The following CORIN variants were observed in gnomAD, a reference collection of about 807,000 sequenced individuals.
CORIN encodes atrial natriuretic peptide-converting enzyme.
CORIN carries 117 observed loss-of-function variants against 125.3 expected under a neutral mutation model. The ratio of observed to expected loss-of-function variants is 0.93; its 90% CI spans 0.80 to 1.09. The LOEUF (loss-of-function observed/expected upper bound fraction) is 1.09. CORIN is among the 50% of genes least tolerant of loss of function. CORIN has a pLI of 0.00. For missense variants in CORIN, 1,253 were observed against 1,306.7 expected, an observed-to-expected ratio of 0.96 and a Z score of 0.63; for synonymous variants, 450 against 466.4, an observed-to-expected ratio of 0.96 and a Z score of 0.45.
At position 47,721,015 on chromosome 4, in the gene CORIN, C is replaced by T. The variant is rs941913836; in HGVS notation, c.799+23387G>A. Among the ~76,000 whole-genome samples the T allele has an allele frequency of 6.6e-5, 10 of 152,290 alleles. No individual in the cohort carries two copies. In the South Asian group the frequency reaches 1.0e-3, roughly 16 times the overall value. ...AGTCCATTCAGGCTGCTAAAACAGA[C>T]TACCACAGATGGGGTGGCTTAAACA... On this transcript the variant is annotated intron_variant, in intron 5 of 21. Transcript: ENST00000273857.
At chr4:47,779,187 T>C (rs145771514) in intron 3 of CORIN, among the ~76,000 whole-genome samples, 2 of 152,308 alleles carry the variant, frequency 1.3e-5, no homozygotes, top group East Asian at 3.9e-4. Flanking sequence ...TGGTTATAGG[T>C]CGAGCACAGA....
In CORIN at chr4:47,636,771, CT is replaced by C. The variant is rs1208052675; in HGVS notation, c.2198+5148del. On this transcript the variant is annotated intron_variant, in intron 16 of 21. Coordinates refer to ENST00000273857, the MANE Select transcript of CORIN (RefSeq NM_006587.4). ...ATGGAACTGTAAGTCCATTAAACCT[CT>C]TTTTTTCTTCCCAGACTCAGGAATG... 3.9e-5 allele frequency among the ~76,000 whole-genome samples: 6 copies of C among 152,280 alleles called. No individual in the cohort carries two copies. The South Asian group carries it at 1.2e-3, about 32-fold the overall frequency.
intron 9 of CORIN, among the ~76,000 whole-genome samples, chr4:47,676,167 A>G (rs1725008584): frequency 6.6e-6 from 1 of 152,164 alleles, no homozygotes; most frequent in African/African-American, 2.4e-5. Context: ...TTCCCTTTCC[A>G]GCTCTGTCTA....
intron 16 of CORIN, among the ~76,000 whole-genome samples, chr4:47,637,890 TCCACTGATAGCTTGCA>T (rs1346269961): frequency 6.6e-6 from 1 of 152,088 alleles, no homozygotes; most frequent in African/African-American, 2.4e-5. Flanking sequence ...GAATGGTAGA[TCCACTGATAGCTTGCA>T]CCATATGCCT....
At chr4:47,653,111 G>C (rs751986691) in intron 13 of CORIN, among the ~76,000 whole-genome samples, 2 of 152,106 alleles carry the variant, frequency 1.3e-5, no homozygotes, top group Non-Finnish European at 2.9e-5. Context: ...GAGAGAAACC[G>C]CATTCTCATT....
At chr4:47,615,800 T>C (rs1722049180) in intron 19 of CORIN, among the ~76,000 whole-genome samples, 1 of 152,010 alleles carries the variant, frequency 6.6e-6, no homozygotes, top group South Asian at 2.1e-4. Flanking sequence ...TTGTGATACT[T>C]TGTTATGGCA....
intron 13 of CORIN, chr4:47,652,651 T>C (rs2109641225): frequency 6.6e-6 from 1 of 152,330 alleles, no homozygotes; most frequent in Non-Finnish European, 1.5e-5. Flanking sequence ...TCCACTCAAA[T>C]TACCATTGGC....
intron 19 of CORIN, 30 bp downstream of exon 19, chr4:47,623,541 G>A (rs1162525239): frequency 2.3e-5 from 37 of 1,606,012 alleles, no homozygotes; most frequent in Non-Finnish European, 3.1e-5. Flanking sequence ...TCAAATCCAG[G>A]CAAAGGAAAA....
At chr4:47,717,592 C>CCTAAT (rs1727153020) in intron 5 of CORIN, among the ~76,000 whole-genome samples, 3 of 152,196 alleles carry the variant, frequency 2.0e-5, no homozygotes, top group Middle Eastern at 3.2e-3. Context: ...AAATATCCAA[C>CCTAAT]TGCTTTTGTT....
At chr4:47,693,533 CAG>C (rs1197932390) in intron 5 of CORIN, among the ~76,000 whole-genome samples, 1 of 152,070 alleles carries the variant, frequency 6.6e-6, no homozygotes, top group Non-Finnish European at 1.5e-5. Flanking sequence ...CCAGTAAAAA[CAG>C]AGTCAGTAAA....
rs1326347403 is a variant in CORIN, at chr4:47,671,245, T to C, written c.1357+3148A>G. Among the ~76,000 whole-genome samples the C allele has an allele frequency of 2.0e-5, 3 of 152,316 alleles. No individual in the cohort carries two copies. In the South Asian group the frequency reaches 6.2e-4, roughly 32 times the overall value. ...TTATGGGATGGCAAGAATCAGAGTC[T>C]TCAAGGACAAGAATCCCGGCAACTC... On this transcript the variant is annotated intron_variant, in intron 10 of 21. Coordinates refer to ENST00000273857, the MANE Select transcript of CORIN (RefSeq NM_006587.4).
chr4:47,658,984 A>C (rs1224887661), intron 12 of CORIN, among the ~76,000 whole-genome samples: 1 of 152,196 alleles, frequency 6.6e-6, no homozygotes, highest in Non-Finnish European at 1.5e-5. Flanking sequence ...TTGCTTAGAA[A>C]TTTCTTTCAT....
chr4:47,769,578 C>T (rs946448828), intron 3 of CORIN, among the ~76,000 whole-genome samples: 15 of 151,692 alleles, frequency 9.9e-5, no homozygotes, highest in South Asian at 4.2e-4. Context: ...AAAAATTGAG[C>T]GAAAAGAAAA....
At chr4:47,804,739 G>GGA (rs371616864) in intron 2 of CORIN, among the ~76,000 whole-genome samples, 1 of 138,244 alleles carries the variant, frequency 7.2e-6, no homozygotes, top group African/African-American at 2.7e-5. Context: ...GGTGGGGAGG[G>GGA]GGGGGGTTGT....
chr4:47,690,143 C>T (rs147966029), intron 6 of CORIN, among the ~76,000 whole-genome samples: 10 of 152,192 alleles, frequency 6.6e-5, no homozygotes, highest in South Asian at 6.2e-4. Context: ...CTCTGAAAGC[C>T]GTAATACATC....
At chr4:47,768,294 G>A (rs765777287) in intron 3 of CORIN, among the ~76,000 whole-genome samples, 3 of 152,104 alleles carry the variant, frequency 2.0e-5, no homozygotes, top group Non-Finnish European at 1.5e-5. Context: ...AAGCCTGTTC[G>A]GTGGTCTCTT....
At chr4:47,824,783 G>T (rs1424721168) in intron 1 of CORIN, among the ~76,000 whole-genome samples, 1 of 152,170 alleles carries the variant, frequency 6.6e-6, no homozygotes, top group Non-Finnish European at 1.5e-5. Context: ...AAGGCCAAGG[G>T]GAAAGAGAAC....
At chr4:47,823,188 A>G (rs1577953849) in intron 1 of CORIN, among the ~76,000 whole-genome samples, 1 of 152,152 alleles carries the variant, frequency 6.6e-6, no homozygotes, top group African/African-American at 2.4e-5. Context: ...ATAATTTGTT[A>G]CTATCATAAT....
chr4:47,736,700 A>T (rs935536089), intron 5 of CORIN, among the ~76,000 whole-genome samples: 2 of 152,006 alleles, frequency 1.3e-5, no homozygotes, highest in African/African-American at 4.8e-5. Context: ...TATTCTTATC[A>T]TTTAGCTAAG....
Sources: gnomAD v4.1 joint callset for allele counts (sites outside exome capture counted in the v4.1 genomes callset) on GRCh38, gnomAD v4.1.1 for gene constraint, MANE v1.5 for transcripts, NCBI Gene and HGNC (gene_info 2026-07-23, HGNC 2026-07-21) for gene names.